NRXN3: variants seen among roughly 807,000 people sequenced by gnomAD.
NRXN3 encodes the protein neurexin 3.
Under a neutral mutation model 137.6 loss-of-function variants are expected in NRXN3, and 32 were observed. That is an observed-to-expected ratio of 0.23 (90% confidence interval 0.18 to 0.31). The LOEUF (loss-of-function observed/expected upper bound fraction) is 0.31. Among genes scored for constraint, NRXN3 ranks in the 10% least tolerant of loss-of-function variants. The probability of loss-of-function intolerance (pLI) is 1.00; values close to 1 mark genes in which losing one functional copy is unlikely to be tolerated. For synonymous variants in NRXN3, 798 were observed against 784.5 expected (o/e 1.02, Z -0.29); for missense variants, 1,574 against 2,062.5 (o/e 0.76, Z 4.59).
intron 4 of NRXN3, among the ~76,000 whole-genome samples, chr14:78,439,622 A>G (rs2094179871): frequency 6.6e-6 from 1 of 152,236 alleles, no homozygotes; most frequent in Non-Finnish European, 1.5e-5. Context: ...TAAAGCAGCA[A>G]TAATGATGAC....
intron 3 of NRXN3, among the ~76,000 whole-genome samples, chr14:78,282,648 G>C: frequency 6.6e-6 from 1 of 152,190 alleles, no homozygotes; most frequent in Non-Finnish European, 1.5e-5. Context: ...TGTTGCCAAA[G>C]GAACAGATAC....
chr14:79,756,483 C>T (rs2099019983), intron 19 of NRXN3, among the ~76,000 whole-genome samples: 1 of 152,124 alleles, frequency 6.6e-6, no homozygotes, highest in South Asian at 2.1e-4. Flanking sequence ...TGAAACTTAA[C>T]TTGTCTTTTT....
chr14:79,845,614 G>T (rs1050914649), intron 20 of NRXN3, among the ~76,000 whole-genome samples: 1 of 140,902 alleles, frequency 7.1e-6, no homozygotes, highest in Non-Finnish European at 1.5e-5. Context: ...CAGAGAGAGA[G>T]ACGGAGACGG....
chr14:78,977,446 A>G (rs149628452), intron 14 of NRXN3, among the ~76,000 whole-genome samples: 133 of 152,246 alleles, frequency 8.7e-4, no homozygotes, highest in African/African-American at 3.1e-3. Flanking sequence ...GCAGACCCCT[A>G]CATCAGTGCC....
chr14:79,459,172 T>C (rs2096294290), intron 15 of NRXN3, among the ~76,000 whole-genome samples: 1 of 152,124 alleles, frequency 6.6e-6, no homozygotes. Flanking sequence ...TAGTTTTACC[T>C]TATTCTATAG....
At chr14:79,260,414 C>A (rs2077418968) in intron 15 of NRXN3, among the ~76,000 whole-genome samples, 1 of 152,130 alleles carries the variant, frequency 6.6e-6, no homozygotes, top group Non-Finnish European at 1.5e-5. Context: ...GAAAAACTCT[C>A]CCATTTAAGG....
intron 1 of NRXN3, among the ~76,000 whole-genome samples, chr14:78,191,665 G>T (rs1320374722): frequency 9.8e-5 from 15 of 152,306 alleles, no homozygotes; most frequent in Middle Eastern, 3.4e-3. Context: ...GACATGTCTA[G>T]GGCTGGTGTG....
chr14:79,765,715 A>G (rs2099053607), intron 19 of NRXN3, among the ~76,000 whole-genome samples: 1 of 152,218 alleles, frequency 6.6e-6, no homozygotes, highest in Non-Finnish European at 1.5e-5. Context: ...CATATGGATG[A>G]ATCTCTGCTT....
At chr14:78,790,837 T>A (rs947741190) in intron 8 of NRXN3, among the ~76,000 whole-genome samples, 2 of 152,178 alleles carry the variant, frequency 1.3e-5, no homozygotes, top group Non-Finnish European at 2.9e-5. Context: ...CAGCTTGATA[T>A]GCTAAGAGCA....
intron 14 of NRXN3, among the ~76,000 whole-genome samples, chr14:78,976,721 G>C (rs1257772936): frequency 6.6e-6 from 1 of 152,124 alleles, no homozygotes; most frequent in Non-Finnish European, 1.5e-5. Context: ...TATTGTTCTT[G>C]TGTCCTTTTC....
intron 8 of NRXN3, among the ~76,000 whole-genome samples, chr14:78,729,786 C>T (rs543799060): frequency 1.3e-4 from 20 of 152,278 alleles, no homozygotes; most frequent in Middle Eastern, 3.4e-3. Flanking sequence ...TTGCTTTGCT[C>T]ATCTCTCCTT....
chr14:78,176,754 T>C (rs1302112475), intron 1 of NRXN3, among the ~76,000 whole-genome samples: 1 of 152,082 alleles, frequency 6.6e-6, no homozygotes, highest in Non-Finnish European at 1.5e-5. Context: ...TGCTGCCTGG[T>C]GGGCTGTGGG....
chr14:79,827,359 G>C lies in NRXN3; in HGVS notation c.4093+22169G>C, dbSNP rs10147872. ...GCTAAGAGGAAGAAAAAATGCATTAGAGCTTGCAAAAAATTCTGAACATTA... is the reference window on the plus strand; with the variant it reads ...GCTAAGAGGAAGAAAAAATGCATTACAGCTTGCAAAAAATTCTGAACATTA... On this transcript the variant is annotated intron_variant, in intron 20 of 20. Transcript: ENST00000335750. Among the ~76,000 whole-genome samples the C allele has an allele frequency of 4.5e-3, 684 of 152,232 alleles. 5 individuals are homozygous for C. Among genetic ancestry groups the C allele is most frequent in the African/African-American group, 0.016 (665 of 41,536 alleles).
At chr14:78,198,478 G>A (rs796963580) in intron 1 of NRXN3, among the ~76,000 whole-genome samples, 21 of 152,324 alleles carry the variant, frequency 1.4e-4, no homozygotes, top group African/African-American at 4.8e-4. Flanking sequence ...ATCATGGAAA[G>A]GACTTAGTCT....
intron 17 of NRXN3, among the ~76,000 whole-genome samples, chr14:79,675,296 T>C (rs936547657): frequency 6.6e-6 from 1 of 152,068 alleles, no homozygotes; most frequent in Non-Finnish European, 1.5e-5. Flanking sequence ...ATTTTATTAA[T>C]ATAAATATGA....
At chr14:79,393,995 C>T (rs1567001455) in intron 15 of NRXN3, among the ~76,000 whole-genome samples, 1 of 151,950 alleles carries the variant, frequency 6.6e-6, no homozygotes, top group Non-Finnish European at 1.5e-5. Context: ...GAAATTTTGA[C>T]TTAAAATATC....
At chr14:79,654,005 G>GTGT (rs1220550655) in intron 16 of NRXN3, among the ~76,000 whole-genome samples, 5 of 152,210 alleles carry the variant, frequency 3.3e-5, no homozygotes, top group African/African-American at 1.2e-4. Flanking sequence ...ATAAGCTGAA[G>GTGT]TGTTGAAGGA....
rs116636853 is a variant in NRXN3 at position 79,734,776 on chromosome 14, A to T, written c.4014+36839A>T. 8.4e-3 allele frequency among the ~76,000 whole-genome samples: 1,279 copies of T among 152,260 alleles called. 14 individuals are homozygous for T. Among genetic ancestry groups the T allele is most frequent in the African/African-American group, 0.028 (1,179 of 41,550 alleles). The stretch of plus-strand genomic sequence containing the variant: ...CCAGCTAATTAGTGGCAGAAATGAG[A>T]CCAGATTCCAGTCTCTTGCTTTCCC... On this transcript the variant is annotated intron_variant, in intron 19 of 20. Coordinates refer to ENST00000335750, the MANE Select transcript of NRXN3 (RefSeq NM_001330195.2).
intron 15 of NRXN3, among the ~76,000 whole-genome samples, chr14:79,138,036 C>T (rs754152688): frequency 6.6e-6 from 1 of 152,080 alleles, no homozygotes; most frequent in South Asian, 2.1e-4. Flanking sequence ...AAAGAAAATG[C>T]TTTGCTAAGC....
Sources: allele counts gnomAD v4.1 joint callset (sites outside exome capture counted in the v4.1 genomes callset), GRCh38; gene constraint gnomAD v4.1.1; transcripts MANE v1.5; gene names NCBI Gene and HGNC (gene_info 2026-07-23, HGNC 2026-07-21).